The following COPB1 variants were observed in gnomAD, a reference collection of about 807,000 sequenced individuals.
The protein encoded by COPB1 is coat protein complex I subunit beta 1.
In COPB1, 21 loss-of-function variants were observed where a neutral mutation model predicts 108.7. The observed-to-expected ratio is 0.19, with a 90% CI of 0.14 to 0.28. COPB1 has a LOEUF of 0.28. Ranked by LOEUF, COPB1 falls within the 10% of genes least tolerant of loss-of-function variation. COPB1 has a pLI of 1.00. For synonymous variants in COPB1, 378 were observed against 386.8 expected (o/e 0.98, Z 0.27); for missense variants, 919 against 1,141.3 (o/e 0.81, Z 2.81).
chr11:14,488,214 T>G (rs1850819856), intron 6 of COPB1, among the ~76,000 whole-genome samples: 1 of 152,182 alleles, frequency 6.6e-6, no homozygotes, highest in Non-Finnish European at 1.5e-5. Context: ...ATTCAGTGAC[T>G]GGGAAGTTCA....
Position 14,469,500 on chromosome 11 carries a change from G to A in COPB1, c.1801C>T (p.Pro601Ser). Residue 601 changes from proline to serine, a missense_variant, in exon 15 of 22, where the codon CCT becomes TCT. This residue lies in a region of COPB1 where 705 missense variants were observed against 817.8 expected (regional missense o/e 0.86). Transcript: ENST00000439561. ...TCATCATCAGTAATTGGCTTCTTAGGAAGAGAGGATTTTCCCAAATGCAGG... is the reference window on the plus strand; with the variant it reads ...TCATCATCAGTAATTGGCTTCTTAGAAAGAGAGGATTTTCCCAAATGCAGG... ...TILHLGKSSL[P>S]KKPITDDDVD... 1 of 1,614,178 alleles carries A rather than the reference G, an allele frequency of 6.2e-7. No homozygotes were observed. The highest frequency in any genetic ancestry group is 1.7e-5 in the Admixed American group (1 of 60,030).
chr11:14,465,969 TTAAC>T (rs1277358116), intron 17 of COPB1, among the ~76,000 whole-genome samples: 5 of 152,172 alleles, frequency 3.3e-5, no homozygotes, highest in East Asian at 3.8e-4. Flanking sequence ...CAATTAGAAA[TTAAC>T]TAAGTGAGCT....
At chr11:14,470,611 G>A (rs1022870921) in intron 14 of COPB1, among the ~76,000 whole-genome samples, 3 of 152,004 alleles carry the variant, frequency 2.0e-5, no homozygotes, top group African/African-American at 7.3e-5. Flanking sequence ...CTGCACACAT[G>A]CATGAAAAAC....
intron 7 of COPB1, among the ~76,000 whole-genome samples, chr11:14,484,217 G>A (rs1364343658): frequency 6.6e-6 from 1 of 152,172 alleles, no homozygotes; most frequent in East Asian, 1.9e-4. Context: ...ACAGATTGGA[G>A]GAGACTACGA....
chr11:14,486,002 C>T (rs1040172555), intron 7 of COPB1, among the ~76,000 whole-genome samples: 6 of 152,172 alleles, frequency 3.9e-5, no homozygotes, highest in African/African-American at 1.4e-4. Flanking sequence ...TCATCCCCAA[C>T]CTCTTTACAC....
intron 5 of COPB1, among the ~76,000 whole-genome samples, chr11:14,490,145 C>G (rs962726657): frequency 1.3e-5 from 2 of 152,082 alleles, no homozygotes; most frequent in East Asian, 3.9e-4. Flanking sequence ...AGTTGGCACC[C>G]GTGTATGAAA....
chr11:14,486,388 A>G lies in COPB1; in HGVS notation c.816T>C (p.Ser272=). ...YEAAGTLVTL[S]SAPTAIKAAA... ...GTACCTTGATTGCAGTTGGTGCACT[A>G]GAGAGTGTCACTAATGTCCCAGCAG... Residue 272 remains serine (S), a synonymous_variant, in exon 7 of 22, where the codon TCT becomes TCC. Coordinates refer to ENST00000439561, the MANE Select transcript of COPB1 (RefSeq NM_001144061.2). 3.7e-6 allele frequency: 6 copies of G among 1,614,156 alleles called. No individual in the cohort carries two copies. The highest frequency in any genetic ancestry group is 1.1e-5 in the South Asian group (1 of 91,086).
At chr11:14,477,758 T>G (rs1850559755) in intron 11 of COPB1, among the ~76,000 whole-genome samples, 1 of 151,770 alleles carries the variant, frequency 6.6e-6, no homozygotes, top group East Asian at 1.9e-4. Context: ...ATTTGCTGGA[T>G]GCAGTGGCAC....
At chr11:14,483,189 A>T in intron 7 of COPB1, 38 bp from the exon 8 acceptor site, 1 of 1,467,172 alleles carries the variant, frequency 6.8e-7, no homozygotes, top group Non-Finnish European at 9.2e-7. Flanking sequence ...GAAGTTATTC[A>T]TCTATCATAA....
intron 21 of COPB1, among the ~76,000 whole-genome samples, chr11:14,458,248 T>C (rs1425365268): frequency 6.6e-6 from 1 of 151,928 alleles, no homozygotes; most frequent in Non-Finnish European, 1.5e-5. Flanking sequence ...ACCCAGCTAA[T>C]TAGTCACTAG....
chr11:14,461,084 G>T, intron 19 of COPB1, 102 bp downstream of exon 19: 1 of 1,440,978 alleles, frequency 6.9e-7, no homozygotes. Context: ...TGCTTTTCAT[G>T]TTAAACACTT....
intron 18 of COPB1, among the ~76,000 whole-genome samples, chr11:14,463,149 C>T (rs989519006): frequency 6.6e-6 from 1 of 152,202 alleles, no homozygotes; most frequent in Admixed American, 6.5e-5. Context: ...TTTCTAACCA[C>T]ACTTCAGATA....
chr11:14,487,943 T>C (rs1418490733), intron 6 of COPB1, among the ~76,000 whole-genome samples: 1 of 152,208 alleles, frequency 6.6e-6, no homozygotes, highest in Non-Finnish European at 1.5e-5. Flanking sequence ...TATCAGAACA[T>C]TAAGATGTAA....
chr11:14,497,709 G>A (rs1252053533), intron 2 of COPB1, among the ~76,000 whole-genome samples: 1 of 152,110 alleles, frequency 6.6e-6, no homozygotes, highest in Non-Finnish European at 1.5e-5. Context: ...CAAAAGAAAG[G>A]AAATGAGTAC....
In COPB1 at chr11:14,457,757, A is replaced by G; in HGVS notation, c.*67T>C. Reference sequence around the variant, plus strand: ...CTATATAAGCATGAAAGAGTACAAAAGATGTTGGAGTCCAGTAAGCCCATA... The same window carrying G: ...CTATATAAGCATGAAAGAGTACAAAGGATGTTGGAGTCCAGTAAGCCCATA... On this transcript the variant is annotated 3_prime_UTR_variant, in exon 22 of 22. Coordinates refer to ENST00000439561, the MANE Select transcript of COPB1 (RefSeq NM_001144061.2). The G allele has an allele frequency of 1.0e-6, 1 of 971,754 alleles. No homozygotes were observed. Among genetic ancestry groups the G allele is most frequent in the Non-Finnish European group, 1.7e-6 (1 of 602,296 alleles). The allele number at this position is 971,754 out of a possible 1,614,324, so 60.2% of individuals were successfully genotyped here. A position where few individuals can be genotyped will look rare whatever the true frequency, so the allele number is the denominator to read the frequency against.
At chr11:14,481,222 T>C in intron 8 of COPB1, 125 bp from the exon 9 acceptor site, 1 of 684,120 alleles carries the variant, frequency 1.5e-6, no homozygotes, top group South Asian at 1.9e-5. Context: ...ACAAAACCAC[T>C]AGTGGTGGAA....
intron 6 of COPB1, among the ~76,000 whole-genome samples, chr11:14,487,658 G>A (rs1850804057): frequency 6.6e-6 from 1 of 151,414 alleles, no homozygotes; most frequent in Non-Finnish European, 1.5e-5. Context: ...CTGGGCAATA[G>A]AGTGAGACTC....
intron 4 of COPB1, among the ~76,000 whole-genome samples, chr11:14,491,723 T>A (rs1850910963): frequency 6.6e-6 from 1 of 151,700 alleles, no homozygotes; most frequent in Admixed American, 6.6e-5. Context: ...TATACCTTCA[T>A]CTATTAAATT....
intron 8 of COPB1, among the ~76,000 whole-genome samples, chr11:14,482,219 C>T (rs1480708377): frequency 1.3e-5 from 2 of 152,122 alleles, no homozygotes; most frequent in African/African-American, 4.8e-5. Context: ...AATATACACA[C>T]CATATTCATA....
Sources: allele counts gnomAD v4.1 joint callset (sites outside exome capture counted in the v4.1 genomes callset), GRCh38; gene constraint gnomAD v4.1.1; regional missense constraint gnomAD v4.1.1; transcripts MANE v1.5; gene names NCBI Gene and HGNC (gene_info 2026-07-23, HGNC 2026-07-21).